The following EDIL3 variants were observed in gnomAD, a reference collection of about 807,000 sequenced individuals.
EDIL3 encodes EGF-like repeat and discoidin I-like domain-containing protein 3.
EDIL3 carries 37 observed loss-of-function variants against 67.4 expected under a neutral mutation model. The ratio of observed to expected loss-of-function variants is 0.55; its 90% CI spans 0.42 to 0.72. The LOEUF (loss-of-function observed/expected upper bound fraction) is 0.72, where lower values mean the gene tolerates loss of function less well. Among genes scored for constraint, EDIL3 ranks in the 30% least tolerant of loss-of-function variants. The pLI is 0.00. For synonymous variants in EDIL3, 195 were observed against 196.3 expected (o/e 0.99, Z 0.05); for missense variants, 527 against 586.3 (o/e 0.90, Z 1.04).
At chr5:84,250,781 T>C (rs1013816831) in intron 2 of EDIL3, among the ~76,000 whole-genome samples, 3 of 152,192 alleles carry the variant, frequency 2.0e-5, no homozygotes, top group African/African-American at 7.2e-5. Flanking sequence ...CAAATATAAA[T>C]GAGATTATTT....
At chr5:83,988,080 C>T (rs1386141119) in intron 9 of EDIL3, among the ~76,000 whole-genome samples, 1 of 151,896 alleles carries the variant, frequency 6.6e-6, no homozygotes, top group Admixed American at 6.6e-5. Flanking sequence ...TTGCAAATAA[C>T]CTTCCATTTC....
chr5:84,355,131 A>T (rs1420544964), intron 1 of EDIL3, among the ~76,000 whole-genome samples: 1 of 152,098 alleles, frequency 6.6e-6, no homozygotes, highest in Non-Finnish European at 1.5e-5. Flanking sequence ...AATCAAACGT[A>T]AGTTTGGTCT....
At chr5:84,277,518 T>G (rs143839395) in intron 1 of EDIL3, among the ~76,000 whole-genome samples, 2 of 152,346 alleles carry the variant, frequency 1.3e-5, no homozygotes, top group South Asian at 2.1e-4. Flanking sequence ...GTAAAAATCT[T>G]GCCATTTGCC....
intron 4 of EDIL3, among the ~76,000 whole-genome samples, chr5:84,179,456 G>A (rs1315499715): frequency 6.6e-6 from 1 of 152,174 alleles, no homozygotes; most frequent in African/African-American, 2.4e-5. Context: ...TCTGGCCATG[G>A]CATGTCTCCA....
rs73146527 is a variant in EDIL3, at chr5:84,362,399, T to C, written c.67+21909A>G. On this transcript the variant is annotated intron_variant, in intron 1 of 10. Transcript: ENST00000296591. ...TCTTTCTAAGATTTTCTGAATCAAATAAAATGGCTGATTCATGCTACATTG... is the reference window on the plus strand; with the variant it reads ...TCTTTCTAAGATTTTCTGAATCAAACAAAATGGCTGATTCATGCTACATTG... 2.3e-3 allele frequency among the ~76,000 whole-genome samples: 351 copies of C among 152,270 alleles called. 1 individual carries two copies. Among genetic ancestry groups the C allele is most frequent in the African/African-American group, 8.2e-3 (342 of 41,582 alleles).
At chr5:83,952,263 G>A (rs1744435920) in intron 10 of EDIL3, among the ~76,000 whole-genome samples, 1 of 151,744 alleles carries the variant, frequency 6.6e-6, no homozygotes, top group African/African-American at 2.4e-5. Flanking sequence ...TTAGAATGTA[G>A]AGTCTAAAAG....
At position 84,203,826 on chromosome 5, in the gene EDIL3, G is replaced by A. The variant is rs764361261; in HGVS notation, c.227-23305C>T. ...CTATATTACTTAAGAGAAAACATTT[G>A]CACTTTTTCTATTAACTATATCCGA... On this transcript the variant is annotated intron_variant, in intron 3 of 10. Coordinates refer to ENST00000296591, the MANE Select transcript of EDIL3 (RefSeq NM_005711.5). Among the ~76,000 whole-genome samples, 11 of 152,170 alleles carry A rather than the reference G, an allele frequency of 7.2e-5. No homozygotes were observed. In the East Asian group the frequency reaches 9.6e-4, roughly 13 times the overall value.
At chr5:84,055,822 G>A (rs1447008959) in intron 9 of EDIL3, among the ~76,000 whole-genome samples, 1 of 152,196 alleles carries the variant, frequency 6.6e-6, no homozygotes, top group Non-Finnish European at 1.5e-5. Context: ...AGGTGCTGGA[G>A]AGGATGTGAA....
At chr5:84,040,093 T>G (rs939174568) in intron 9 of EDIL3, among the ~76,000 whole-genome samples, 2 of 152,202 alleles carry the variant, frequency 1.3e-5, no homozygotes, top group Admixed American at 1.3e-4. Context: ...ACAGATGGAT[T>G]TGCCCATTGT....
intron 9 of EDIL3, among the ~76,000 whole-genome samples, chr5:84,000,631 A>C (rs1464096396): frequency 6.6e-6 from 1 of 152,008 alleles, no homozygotes; most frequent in African/African-American, 2.4e-5. Context: ...AAAATGTAAA[A>C]GAGGAAGAAA....
At chr5:84,124,274 G>A (rs1747825992) in intron 5 of EDIL3, among the ~76,000 whole-genome samples, 2 of 151,912 alleles carry the variant, frequency 1.3e-5, no homozygotes, top group Admixed American at 1.3e-4. Context: ...AAAGAACCAA[G>A]TAACAATATG....
intron 6 of EDIL3, among the ~76,000 whole-genome samples, chr5:84,105,449 T>C (rs1747441257): frequency 6.6e-6 from 1 of 152,106 alleles, no homozygotes; most frequent in Non-Finnish European, 1.5e-5. Flanking sequence ...TTTTCAAGTA[T>C]GGAAGTCTTG....
chr5:83,972,439 G>A (rs1744810072), intron 9 of EDIL3, among the ~76,000 whole-genome samples: 1 of 152,038 alleles, frequency 6.6e-6, no homozygotes, highest in Admixed American at 6.6e-5. Flanking sequence ...GCATCCCAAT[G>A]CACATAAATT....
chr5:84,244,109 A>G (rs1738372903), intron 2 of EDIL3, among the ~76,000 whole-genome samples: 2 of 152,204 alleles, frequency 1.3e-5, no homozygotes, highest in South Asian at 4.1e-4. Flanking sequence ...CAAAGAATCC[A>G]TGCCTCTATT....
At chr5:84,234,822 C>G (rs1744648313) in intron 2 of EDIL3, among the ~76,000 whole-genome samples, 1 of 152,050 alleles carries the variant, frequency 6.6e-6, no homozygotes, top group Admixed American at 6.6e-5. Flanking sequence ...ATTATCTAGT[C>G]ATTAGTTATT....
intron 5 of EDIL3, among the ~76,000 whole-genome samples, chr5:84,120,880 T>G (rs1306050671): frequency 1.3e-5 from 2 of 151,742 alleles, no homozygotes; most frequent in African/African-American, 4.8e-5. Flanking sequence ...AAAAAAAATA[T>G]GAAAAGGAAT....
At chr5:84,203,300 C>T (rs1743884560) in intron 3 of EDIL3, among the ~76,000 whole-genome samples, 1 of 152,178 alleles carries the variant, frequency 6.6e-6, no homozygotes, top group African/African-American at 2.4e-5. Context: ...ATGAGCACTA[C>T]ACCTCATGTT....
At chr5:84,115,929 G>T (rs2112293101) in intron 5 of EDIL3, among the ~76,000 whole-genome samples, 1 of 152,254 alleles carries the variant, frequency 6.6e-6, no homozygotes, top group African/African-American at 2.4e-5. Flanking sequence ...AGATTCCTAT[G>T]CTTTTAAGTT....
At chr5:84,294,736 C>A (rs189739518) in intron 1 of EDIL3, among the ~76,000 whole-genome samples, 33 of 152,200 alleles carry the variant, frequency 2.2e-4, no homozygotes, top group African/African-American at 7.5e-4. Context: ...ACTAGTTAAT[C>A]TTTATTAAGA....
Sources: gnomAD v4.1 joint callset for allele counts (sites outside exome capture counted in the v4.1 genomes callset) on GRCh38, gnomAD v4.1.1 for gene constraint, MANE v1.5 for transcripts, NCBI Gene and HGNC (gene_info 2026-07-23, HGNC 2026-07-21) for gene names.